MAP4K4: variants seen among roughly 807,000 people sequenced by gnomAD.
MAP4K4 encodes the protein mitogen-activated protein kinase kinase kinase kinase 4.
MAP4K4 carries 38 observed loss-of-function variants against 189.6 expected under a neutral mutation model. That is an observed-to-expected ratio of 0.20 (90% CI 0.15 to 0.26). MAP4K4 has a LOEUF of 0.26. Ranked by LOEUF, MAP4K4 falls within the 10% of genes least tolerant of loss-of-function variation. The probability of loss-of-function intolerance (pLI) is 1.00; values close to 1 mark genes in which losing one functional copy is unlikely to be tolerated. For synonymous variants in MAP4K4, 610 were observed against 624.3 expected (o/e 0.98, Z 0.34); for missense variants, 1,054 against 1,726.9 (o/e 0.61, Z 6.91).
chr2:101,790,589 C>T (rs561133861), intron 2 of MAP4K4, 131 bp from the exon 3 acceptor site: 19 of 676,250 alleles, frequency 2.8e-5, no homozygotes, highest in South Asian at 9.7e-5. Context: ...AGGACTATTT[C>T]GTCATCACTT....
chr2:101,797,705 A>G (rs898701780), intron 3 of MAP4K4, among the ~76,000 whole-genome samples: 3 of 152,066 alleles, frequency 2.0e-5, no homozygotes, highest in African/African-American at 7.2e-5. Context: ...AAGACCTTGA[A>G]GAAAAGCTCT....
chr2:101,805,231 G>T (rs2094812855), intron 3 of MAP4K4, among the ~76,000 whole-genome samples: 1 of 151,934 alleles, frequency 6.6e-6, no homozygotes, highest in Non-Finnish European at 1.5e-5. Context: ...ACAGAACTTT[G>T]CCGGTACCCC....
exon 33 of MAP4K4, chr2:101,893,430 T>C: frequency 2.8e-6 from 1 of 351,542 alleles, no homozygotes; most frequent in Non-Finnish European, 5.6e-6. Flanking sequence ...GTAGGCTGGA[T>C]TCCATCGCCA....
At chr2:101,838,638 G>A (rs1164584147) in intron 9 of MAP4K4, among the ~76,000 whole-genome samples, 2 of 152,072 alleles carry the variant, frequency 1.3e-5, no homozygotes, top group Non-Finnish European at 2.9e-5. Context: ...TTTGATATAT[G>A]TCCGCTGTTG....
intron 9 of MAP4K4, among the ~76,000 whole-genome samples, chr2:101,836,326 G>A (rs1200552137): frequency 6.6e-6 from 1 of 152,132 alleles, no homozygotes; most frequent in Non-Finnish European, 1.5e-5. Flanking sequence ...GCTCGCACCT[G>A]TAATCCCAGC....
intron 2 of MAP4K4, among the ~76,000 whole-genome samples, chr2:101,726,521 C>CA (rs2055465770): frequency 6.6e-6 from 1 of 152,222 alleles, no homozygotes; most frequent in Non-Finnish European, 1.5e-5. Context: ...CATGAATTAT[C>CA]TGAGTTAGTT....
At chr2:101,874,469 T>A (rs556625678) in intron 26 of MAP4K4, among the ~76,000 whole-genome samples, 1 of 152,372 alleles carries the variant, frequency 6.6e-6, no homozygotes, top group African/African-American at 2.4e-5. Context: ...GCATGATTAA[T>A]CTCCATTTTA....
intron 25 of MAP4K4, 121 bp downstream of exon 25, chr2:101,873,885 C>T (rs2098124368): frequency 2.4e-6 from 2 of 817,450 alleles, no homozygotes; most frequent in Admixed American, 2.6e-5. Context: ...CAGAAACTTC[C>T]CATCCCAGTT....
chr2:101,874,687 C>T (rs1406944718), intron 26 of MAP4K4, among the ~76,000 whole-genome samples: 1 of 152,200 alleles, frequency 6.6e-6, no homozygotes, highest in Non-Finnish European at 1.5e-5. Context: ...AAACTTACTG[C>T]AACATGCAAC....
At chr2:101,739,890 T>C (rs778876280) in intron 2 of MAP4K4, among the ~76,000 whole-genome samples, 82 of 152,188 alleles carry the variant, frequency 5.4e-4, no homozygotes, top group Non-Finnish European at 1.1e-3. Context: ...ATAAATCTTT[T>C]GTTAGTAGGG....
chr2:101,868,076 A>G, intron 21 of MAP4K4, 39 bp downstream of exon 21: 1 of 1,604,284 alleles, frequency 6.2e-7, no homozygotes, highest in Non-Finnish European at 8.5e-7. Flanking sequence ...TCAGAGCAGC[A>G]CTCCGACCGC....
At chr2:101,761,339 GTAGATTGTT>G (rs1354800521) in intron 2 of MAP4K4, among the ~76,000 whole-genome samples, 18 of 152,060 alleles carry the variant, frequency 1.2e-4, no homozygotes, top group Non-Finnish European at 2.9e-5. Context: ...TTATGATAGT[GTAGATTGTT>G]TAGCTAATGT....
At chr2:101,710,670 G>A (rs1158436187) in intron 2 of MAP4K4, among the ~76,000 whole-genome samples, 1 of 152,202 alleles carries the variant, frequency 6.6e-6, no homozygotes, top group Non-Finnish European at 1.5e-5. Context: ...GGGCCTATGG[G>A]AGTGTGTGAC....
At chr2:101,801,673 A>G (rs2094389354) in intron 3 of MAP4K4, among the ~76,000 whole-genome samples, 1 of 152,190 alleles carries the variant, frequency 6.6e-6, no homozygotes, top group Non-Finnish European at 1.5e-5. Context: ...GATGCCAGCC[A>G]AAGGCCAACC....
intron 4 of MAP4K4, 79 bp downstream of exon 4, chr2:101,824,132 G>GGGGGGGGGGT: frequency 1.8e-5 from 1 of 56,768 alleles, no homozygotes. Flanking sequence ...GGGGGCGGGG[G>GGGGGGGGGGT]AAAGAGGGGG....
intron 2 of MAP4K4, among the ~76,000 whole-genome samples, chr2:101,717,761 C>T (rs1324890701): frequency 1.3e-5 from 2 of 152,096 alleles, no homozygotes; most frequent in Non-Finnish European, 1.5e-5. Context: ...ACTCATTAGC[C>T]TTGGATAATG....
chr2:101,763,059 C>T (rs140029640), intron 2 of MAP4K4, among the ~76,000 whole-genome samples: 11 of 152,300 alleles, frequency 7.2e-5, no homozygotes, highest in Non-Finnish European at 1.6e-4. Flanking sequence ...GCCCCAGATG[C>T]AGGGTCAGAC....
chr2:101,759,345 T>A (rs2074575975), intron 2 of MAP4K4, among the ~76,000 whole-genome samples: 1 of 152,048 alleles, frequency 6.6e-6, no homozygotes. Context: ...TGGCATTTCC[T>A]CTGAGTTGGC....
In MAP4K4 at chr2:101,729,806, A is replaced by G. The variant is rs552142565; in HGVS notation, c.123+31268A>G. Among the ~76,000 whole-genome samples, 64 of 152,258 alleles carry G rather than the reference A, an allele frequency of 4.2e-4. No homozygotes were observed. The South Asian group carries it at 0.013, about 32-fold the overall frequency. On this transcript the variant is annotated intron_variant, in intron 2 of 32. Transcript: ENST00000324219. ...CAAGCCAAAGGTCCTTCTCTGGTGAAATCTTGTTACAGCTCCTGTCTTCTC... is the reference window on the plus strand; with the variant it reads ...CAAGCCAAAGGTCCTTCTCTGGTGAGATCTTGTTACAGCTCCTGTCTTCTC...
Sources: allele counts gnomAD v4.1 joint callset (sites outside exome capture counted in the v4.1 genomes callset), GRCh38; gene constraint gnomAD v4.1.1; transcripts MANE v1.5; gene names NCBI Gene and HGNC (gene_info 2026-07-23, HGNC 2026-07-21).